Variants in SLIT3 observed in about 807,000 individuals in gnomAD.
The protein encoded by SLIT3 is slit homolog 3 protein.
Under a neutral mutation model 184.0 loss-of-function variants are expected in SLIT3, and 68 were observed. The ratio of observed to expected loss-of-function variants is 0.37; its 90% confidence interval spans 0.30 to 0.45. The LOEUF (loss-of-function observed/expected upper bound fraction) is 0.45. SLIT3 is among the 20% of genes least tolerant of loss of function. SLIT3 has a pLI of 1.00. For synonymous variants in SLIT3, 831 were observed against 828.6 expected, an observed-to-expected ratio of 1.00 and a Z score of -0.05; for missense variants, 1,707 against 2,026.0, an observed-to-expected ratio of 0.84 and a Z score of 3.02.
chr5:168,935,366 G>C (rs2113182680), intron 4 of SLIT3, among the ~76,000 whole-genome samples: 1 of 152,204 alleles, frequency 6.6e-6, no homozygotes, highest in Non-Finnish European at 1.5e-5. Context: ...ACCCCCTCCA[G>C]GAAGCCTTCC....
Position 169,253,090 on chromosome 5 carries a change from A to C in SLIT3, c.198-1631T>G, listed in dbSNP as rs894332693. On this transcript the variant is annotated intron_variant, in intron 1 of 35. Transcript: ENST00000519560. Reference sequence around the variant, plus strand: ...CTGAGTGCTGGTTTAGAAGAAAAAAAAAAAAGCATAGCAAGAATTACCCAG... The same window carrying C: ...CTGAGTGCTGGTTTAGAAGAAAAAACAAAAAGCATAGCAAGAATTACCCAG... Among the ~76,000 whole-genome samples, 11 of 152,256 alleles carry C rather than the reference A, an allele frequency of 7.2e-5. No homozygotes were observed. The South Asian group carries it at 2.3e-3, about 32-fold the overall frequency.
intron 32 of SLIT3, among the ~76,000 whole-genome samples, chr5:168,677,968 G>A (rs1444308007): frequency 3.3e-5 from 5 of 152,158 alleles, no homozygotes; most frequent in African/African-American, 1.2e-4. Flanking sequence ...AGCCACTCAG[G>A]GCTCTGTATA....
chr5:169,011,693 C>T (rs1461690793), intron 4 of SLIT3, among the ~76,000 whole-genome samples: 2 of 152,134 alleles, frequency 1.3e-5, no homozygotes, highest in African/African-American at 4.8e-5. Context: ...TACTTATGGA[C>T]ATCAGGTCAA....
At chr5:169,047,720 T>C (rs2113047624) in intron 4 of SLIT3, among the ~76,000 whole-genome samples, 1 of 152,248 alleles carries the variant, frequency 6.6e-6, no homozygotes, top group East Asian at 1.9e-4. Context: ...TCATATACAA[T>C]GCTGTCTTTT....
At chr5:168,735,055 A>G (rs1763389798) in intron 20 of SLIT3, among the ~76,000 whole-genome samples, 1 of 152,202 alleles carries the variant, frequency 6.6e-6, no homozygotes, top group Non-Finnish European at 1.5e-5. Context: ...AGTTGTCTGT[A>G]GCCTACAGTC....
In SLIT3 at chr5:168,806,499, T is replaced by A. The variant is rs780855406; in HGVS notation, c.882A>T (p.Arg294=). The part of the protein sequence containing the change: ...CTCSNNIVDC[R]GKGLMEIPAN... ...CAGGAATCTCCATCAAGCCCTTTCCTCGACAGTCCACGATGTTATTGCTGC... is the reference window on the plus strand; with the variant it reads ...CAGGAATCTCCATCAAGCCCTTTCCACGACAGTCCACGATGTTATTGCTGC... The change falls in exon 9 of 36, where the codon CGA becomes CGT. Residue 294 remains arginine (R), a synonymous_variant. Coordinates refer to ENST00000519560, the MANE Select transcript of SLIT3 (RefSeq NM_003062.4). 1 of 1,614,134 alleles carries A rather than the reference T, an allele frequency of 6.2e-7. No individual in the cohort carries two copies. Among genetic ancestry groups the A allele is most frequent in the Non-Finnish European group, 8.5e-7 (1 of 1,180,018 alleles).
At chr5:169,060,863 T>C (rs749588376) in intron 4 of SLIT3, among the ~76,000 whole-genome samples, 23 of 152,322 alleles carry the variant, frequency 1.5e-4, no homozygotes, top group Non-Finnish European at 2.9e-4. Context: ...GGGAAAATCA[T>C]GGCCCCTCTA....
intron 32 of SLIT3, among the ~76,000 whole-genome samples, chr5:168,680,980 G>A (rs1761572905): frequency 6.6e-6 from 1 of 152,096 alleles, no homozygotes; most frequent in Non-Finnish European, 1.5e-5. Context: ...ATGAAACCCT[G>A]TCTCTTCCAG....
intron 1 of SLIT3, among the ~76,000 whole-genome samples, chr5:169,296,372 A>C (rs147091292): frequency 6.6e-6 from 1 of 152,326 alleles, no homozygotes; most frequent in East Asian, 1.9e-4. Flanking sequence ...CTTTCATGAA[A>C]ATGAGGCCCA....
intron 9 of SLIT3, among the ~76,000 whole-genome samples, chr5:168,798,382 C>G (rs758201079): frequency 1.3e-5 from 2 of 151,984 alleles, no homozygotes; most frequent in African/African-American, 4.8e-5. Flanking sequence ...TATTACCATG[C>G]CTGGCTAATT....
At chr5:169,177,131 A>G (rs1763011784) in intron 4 of SLIT3, among the ~76,000 whole-genome samples, 2 of 152,204 alleles carry the variant, frequency 1.3e-5, no homozygotes, top group Non-Finnish European at 1.5e-5. Context: ...TTTCTCTCCC[A>G]TAAGTTAAGC....
chr5:169,061,001 G>C (rs564975149), intron 4 of SLIT3, among the ~76,000 whole-genome samples: 12 of 152,146 alleles, frequency 7.9e-5, no homozygotes, highest in African/African-American at 2.7e-4. Context: ...GGGTGTTTTT[G>C]AGCAACTTTG....
intron 4 of SLIT3, among the ~76,000 whole-genome samples, chr5:169,146,236 A>C (rs937352820): frequency 1.3e-5 from 2 of 152,252 alleles, no homozygotes; most frequent in Admixed American, 1.3e-4. Context: ...GCAAAACAAG[A>C]ATTCAAACCC....
At chr5:169,061,836 G>T (rs1041059611) in intron 4 of SLIT3, among the ~76,000 whole-genome samples, 1 of 152,086 alleles carries the variant, frequency 6.6e-6, no homozygotes, top group Non-Finnish European at 1.5e-5. Flanking sequence ...CCTCCAGCTG[G>T]AGGTGAAGAT....
intron 9 of SLIT3, among the ~76,000 whole-genome samples, chr5:168,802,170 G>A (rs181987304): frequency 1.3e-5 from 2 of 151,506 alleles, no homozygotes; most frequent in African/African-American, 4.8e-5. Flanking sequence ...AAAGACATTT[G>A]GATGTCTTTG....
chr5:168,726,945 A>T (rs1274327639), intron 20 of SLIT3, among the ~76,000 whole-genome samples: 3 of 151,088 alleles, frequency 2.0e-5, no homozygotes, highest in Non-Finnish European at 4.4e-5. Flanking sequence ...CAGGAGGCAG[A>T]GGTTGCAGTG....
chr5:169,055,714 G>C (rs1730790340), intron 4 of SLIT3, among the ~76,000 whole-genome samples: 1 of 151,898 alleles, frequency 6.6e-6, no homozygotes, highest in Non-Finnish European at 1.5e-5. Flanking sequence ...TAGCTGTAGT[G>C]CCAGCTACTC....
chr5:168,989,695 C>T (rs1299529925), intron 4 of SLIT3, among the ~76,000 whole-genome samples: 2 of 152,176 alleles, frequency 1.3e-5, no homozygotes, highest in East Asian at 1.9e-4. Context: ...AATTGGTAGT[C>T]ACTGTTCCCA....
intron 12 of SLIT3, among the ~76,000 whole-genome samples, chr5:168,785,135 ATG>A (rs1299921127): frequency 7.1e-6 from 1 of 141,056 alleles, no homozygotes; most frequent in Non-Finnish European, 1.6e-5. Flanking sequence ...GTGCACATGC[ATG>A]CACACACACA....
Sources: gnomAD v4.1 joint callset for allele counts (sites outside exome capture counted in the v4.1 genomes callset) on GRCh38, gnomAD v4.1.1 for gene constraint, MANE v1.5 for transcripts, NCBI Gene and HGNC (gene_info 2026-07-23, HGNC 2026-07-21) for gene names.